Variants in ALPK2 observed in about 807,000 individuals in gnomAD.
ALPK2 encodes the protein alpha kinase 2.
A neutral mutation model predicts 163.1 loss-of-function variants in ALPK2; 127 were observed. That is an observed-to-expected ratio of 0.78 (90% CI 0.67 to 0.90). The LOEUF (loss-of-function observed/expected upper bound fraction) is 0.90, where lower values mean the gene tolerates loss of function less well. ALPK2 is among the 40% of genes least tolerant of loss of function. ALPK2 has a pLI of 0.00. For synonymous variants in ALPK2, 953 were observed against 959.1 expected (o/e 0.99, Z 0.12); for missense variants, 2,360 against 2,589.6 (o/e 0.91, Z 1.92).
chr18:58,550,432 TACCC>T (rs2051747208), intron 4 of ALPK2, among the ~76,000 whole-genome samples: 1 of 16,852 alleles, frequency 5.9e-5, no homozygotes, highest in Non-Finnish European at 1.2e-4. Context: ...TATATGACTC[TACCC>T]CCATCTATAT....
At chr18:58,586,508 C>T (rs889759174) in intron 3 of ALPK2, among the ~76,000 whole-genome samples, 2 of 152,132 alleles carry the variant, frequency 1.3e-5, no homozygotes, top group Non-Finnish European at 2.9e-5. Flanking sequence ...GTTCTATTCC[C>T]CCATAACCAG....
intron 4 of ALPK2, among the ~76,000 whole-genome samples, chr18:58,559,679 T>G (rs1290336515): frequency 7.9e-5 from 12 of 152,166 alleles, no homozygotes; most frequent in Non-Finnish European, 5.9e-5. Context: ...AGTGTGATAC[T>G]CTCCACAAAG....
chr18:58,556,689 A>T (rs1333651453), intron 4 of ALPK2, among the ~76,000 whole-genome samples: 1 of 152,166 alleles, frequency 6.6e-6, no homozygotes, highest in Non-Finnish European at 1.5e-5. Flanking sequence ...GCATGGTCTC[A>T]GGCTCCTCCC....
rs1403510614 is a variant in ALPK2, at chr18:58,579,674, C to T, written c.1102G>A (p.Glu368Lys). ...TGCTCACACCCACCCAGGCAATGCT[C>T]ACCGAATTCCATCTCTTCGTCATCG... is the stretch of plus-strand genomic sequence containing the variant. ...ESDDEEMEFG[E>K]HCLGGCEHFL... is the part of the protein sequence containing the mutation. Residue 368 changes from glutamate to lysine, a missense_variant, in exon 4 of 13, where the codon GAG (glutamate) becomes AAG (lysine). By Grantham distance (56) the Glu-to-Lys change is moderately conservative. Coordinates refer to ENST00000361673, the MANE Select transcript of ALPK2 (RefSeq NM_052947.4). The T allele has an allele frequency of 6.2e-7, 1 of 1,614,144 alleles. No individual in the cohort carries two copies. The highest frequency in any genetic ancestry group is 8.5e-7 in the Non-Finnish European group (1 of 1,180,034).
In ALPK2 at chr18:58,578,964, A is replaced by G; in HGVS notation, c.1812T>C (p.Ile604=). The change falls in exon 4 of 13, where the codon ATT becomes ATC. Residue 604 remains isoleucine (I), a synonymous_variant. Transcript: ENST00000361673. ...TTGCTTCTTGCTCTGCCTGGGTTGA[A>G]ATAGCACATTCTCTTGCATCAGCAT... is the stretch of plus-strand genomic sequence containing the variant. ...SSHADARECA[I]STQAEQEAKT... 1.2e-6 allele frequency: 2 copies of G among 1,614,184 alleles called. No homozygotes were observed. Among genetic ancestry groups the G allele is most frequent in the Non-Finnish European group, 1.7e-6 (2 of 1,180,030 alleles).
At chr18:58,483,530 T>TTTATTTATTTAA (rs1402451367) in intron 12 of ALPK2, among the ~76,000 whole-genome samples, 1 of 5,374 alleles carries the variant, frequency 1.9e-4, no homozygotes, top group Non-Finnish European at 3.2e-4. Context: ...TCCTACTCAC[T>TTTATTTATTTAA]TTATTTATTT....
Position 58,536,331 on chromosome 18 carries a change from G to C in ALPK2, c.3856C>G (p.Pro1286Ala), listed in dbSNP as rs2051647338. 11 of 1,614,190 alleles carry C rather than the reference G, an allele frequency of 6.8e-6. No individual in the cohort carries two copies. Among genetic ancestry groups the C allele is most frequent in the Non-Finnish European group, 9.3e-6 (11 of 1,180,032 alleles). ...GCTATTTCAGAGGGGGCCAATTCAG[G>C]CACAACAGCATCTGCCTTTAGACTA... Reference protein sequence around the residue: ...PDSLKADAVVPELAPSEIAAL... With the variant: ...PDSLKADAVVAELAPSEIAAL... Residue 1286 changes from proline to alanine, a missense_variant, in exon 5 of 13, where the codon CCT becomes GCT. Pro to Ala is a conservative substitution (Grantham distance 27). Coordinates refer to ENST00000361673, the MANE Select transcript of ALPK2 (RefSeq NM_052947.4).
intron 5 of ALPK2, among the ~76,000 whole-genome samples, chr18:58,534,594 C>A (rs989423874): frequency 4.6e-5 from 7 of 152,196 alleles, no homozygotes; most frequent in African/African-American, 1.7e-4. Context: ...CGATAGATCA[C>A]CTGGGAACTT....
At chr18:58,511,998 T>G (rs557079048) in intron 10 of ALPK2, 2 of 152,314 alleles carry the variant, frequency 1.3e-5, no homozygotes, top group East Asian at 3.9e-4. Flanking sequence ...TGTGTCTTGT[T>G]AAAGAAATTT....
intron 4 of ALPK2, among the ~76,000 whole-genome samples, chr18:58,550,692 GTACA>G (rs2051753683): frequency 2.9e-5 from 1 of 34,758 alleles, no homozygotes; most frequent in Non-Finnish European, 5.9e-5. Context: ...CCTCCATCGT[GTACA>G]ACCCCATCCC....
rs373917584 is a variant in ALPK2, at chr18:58,524,102, C to T, written c.5502-40G>A. The T allele has an allele frequency of 5.3e-5, 84 of 1,577,476 alleles. No homozygotes were observed. The African/African-American group carries it at 7.9e-4, about 15-fold the overall frequency. ...ATTCACATTGACACACTTCATCATT[C>T]TACAGTTGCATTTTTTCCTAATATA... On this transcript the variant is annotated intron_variant, in intron 6 of 12. Coordinates refer to ENST00000361673, the MANE Select transcript of ALPK2 (RefSeq NM_052947.4).
rs556551033 is a variant in ALPK2, at chr18:58,535,279, T to G, written c.4908A>C (p.Gln1636His). 6.2e-7 allele frequency: 1 copy of G among 1,614,178 alleles called. No homozygotes were observed. The highest frequency in any genetic ancestry group is 2.2e-5 in the East Asian group (1 of 44,888). ...AGCTTGGGGGTTTGGTTTCCCCAAT[T>G]TGAAGCACCTCTATTTTAGGTTCCT... ...KMEEPKIEVL[Q>H]IGETKPPSSS... The change falls in exon 5 of 13, where the codon CAA becomes CAC. Residue 1636 changes from glutamine (Q) to histidine (H), a missense_variant. Transcript: ENST00000361673.
intron 4 of ALPK2, among the ~76,000 whole-genome samples, chr18:58,561,664 G>A (rs564144772): frequency 1.2e-4 from 18 of 152,284 alleles, no homozygotes; most frequent in East Asian, 1.2e-3. Context: ...CTAAAGAATC[G>A]TGTGATGAAT....
intron 4 of ALPK2, among the ~76,000 whole-genome samples, chr18:58,572,913 A>G (rs2051893301): frequency 6.6e-6 from 1 of 152,214 alleles, no homozygotes; most frequent in Admixed American, 6.5e-5. Context: ...CAATGTCAAT[A>G]TCCTGGTTAT....
chr18:58,492,468 G>A (rs2051380535), intron 12 of ALPK2, among the ~76,000 whole-genome samples: 1 of 152,136 alleles, frequency 6.6e-6, no homozygotes, highest in African/African-American at 2.4e-5. Context: ...TGAAGGCAGT[G>A]ATAACCTTTT....
intron 4 of ALPK2, among the ~76,000 whole-genome samples, chr18:58,550,923 C>T (rs547879129): frequency 1.3e-5 from 2 of 148,368 alleles, no homozygotes; most frequent in African/African-American, 4.9e-5. Context: ...ACCCCATCCC[C>T]ACCTCCATTA....
intron 8 of ALPK2, among the ~76,000 whole-genome samples, chr18:58,521,758 G>A (rs1261170963): frequency 6.6e-6 from 1 of 151,158 alleles, no homozygotes; most frequent in African/African-American, 2.4e-5. Context: ...CTCCTGAGTA[G>A]CTGGGATTAC....
intron 12 of ALPK2, among the ~76,000 whole-genome samples, chr18:58,495,742 G>A (rs1481635319): frequency 4.6e-5 from 7 of 152,198 alleles, no homozygotes; most frequent in Non-Finnish European, 7.3e-5. Flanking sequence ...CATGAGGAGC[G>A]AAGGGAAACT....
At chr18:58,534,696 A>C (rs2051633666) in intron 5 of ALPK2, 138 bp downstream of exon 5, 1 of 1,156,734 alleles carries the variant, frequency 8.6e-7, no homozygotes, top group Non-Finnish European at 1.2e-6. Flanking sequence ...TGCTGAAGCC[A>C]CTTGGCCACA....
Sources: gnomAD v4.1 joint callset for allele counts (sites outside exome capture counted in the v4.1 genomes callset) on GRCh38, gnomAD v4.1.1 for gene constraint, MANE v1.5 for transcripts, NCBI Gene and HGNC (gene_info 2026-07-23, HGNC 2026-07-21) for gene names.